Variants in CTIF observed in about 807,000 individuals in gnomAD.
CTIF encodes the protein cap binding complex dependent translation initiation factor, also known as CBP80/20-dependent translation initiation factor.
CTIF carries 21 observed loss-of-function variants against 66.0 expected under a neutral mutation model. The ratio of observed to expected loss-of-function variants is 0.32; its 90% CI spans 0.23 to 0.46. The LOEUF (loss-of-function observed/expected upper bound fraction) is 0.46. Ranked by LOEUF, CTIF falls within the 20% of genes least tolerant of loss-of-function variation. CTIF has a pLI of 1.00. For synonymous variants in CTIF, 345 were observed against 326.4 expected, an observed-to-expected ratio of 1.06 and a Z score of -0.62; for missense variants, 739 against 812.7, an observed-to-expected ratio of 0.91 and a Z score of 1.10.
chr18:48,582,703 T>TAAC (rs1224275332), intron 1 of CTIF, among the ~76,000 whole-genome samples: 1 of 151,924 alleles, frequency 6.6e-6, no homozygotes, highest in Non-Finnish European at 1.5e-5. Flanking sequence ...GTGGTGGTAA[T>TAAC]AACGGGGTTA....
At position 48,823,683 on chromosome 18, in the gene CTIF, T is replaced by C. The variant is rs186570992; in HGVS notation, c.1527+6307T>C. ...TTTCCAAGTGAATCTTAGAATTGTT[T>C]TCTATACTTCTGTTTTTAAAATGCC... On this transcript the variant is annotated intron_variant, in intron 10 of 11. Coordinates refer to ENST00000256413, the MANE Select transcript of CTIF (RefSeq NM_014772.3). 9.8e-5 allele frequency among the ~76,000 whole-genome samples: 15 copies of C among 152,330 alleles called. No homozygotes were observed. The East Asian group carries it at 2.9e-3, about 29-fold the overall frequency.
At chr18:48,681,138 A>G (rs2091734229) in intron 6 of CTIF, among the ~76,000 whole-genome samples, 1 of 152,170 alleles carries the variant, frequency 6.6e-6, no homozygotes, top group Non-Finnish European at 1.5e-5. Context: ...CCCAAGAACA[A>G]TACCAGGGTC....
chr18:48,635,311 CTTTTTCTT>C (rs370499169), intron 2 of CTIF, among the ~76,000 whole-genome samples: 3,092 of 138,984 alleles, frequency 0.022, 113 homozygotes, highest in African/African-American at 0.08. Flanking sequence ...TTTTCTTTTT[CTTTTTCTT>C]TTTCTTTCTT....
rs189801126 is a variant in CTIF at position 48,559,707 on chromosome 18, A to T, written c.-29+20395A>T. ...GGTTCTTCTCCATGCAGGTTTCTCC[A>T]CAAGGCTGCTTGGGCTTCCTCAAAG... On this transcript the variant is annotated intron_variant, in intron 1 of 11. Coordinates refer to ENST00000256413, the MANE Select transcript of CTIF (RefSeq NM_014772.3). Among the ~76,000 whole-genome samples, 13 of 152,280 alleles carry T rather than the reference A, an allele frequency of 8.5e-5. No individual in the cohort carries two copies. The East Asian group carries it at 2.5e-3, about 29-fold the overall frequency.
intron 1 of CTIF, among the ~76,000 whole-genome samples, chr18:48,562,377 C>T (rs1282630649): frequency 6.6e-6 from 1 of 152,222 alleles, no homozygotes; most frequent in African/African-American, 2.4e-5. Flanking sequence ...TTCAGGAGTC[C>T]TGCTCTAGAG....
At chr18:48,650,082 T>C (rs183251120) in intron 3 of CTIF, among the ~76,000 whole-genome samples, 31 of 152,348 alleles carry the variant, frequency 2.0e-4, no homozygotes, top group African/African-American at 7.0e-4. Context: ...CTCCAAAGGA[T>C]TGCAGCTCCT....
rs76708101 is a variant in CTIF, at chr18:48,594,003, G to A, written c.-28-25535G>A. On this transcript the variant is annotated intron_variant, in intron 1 of 11. Transcript: ENST00000256413. ...TGTTTCCTATCAACCAGATGACATGGACCAAAGAGGTGAATTTTTACCTCT... is the reference window on the plus strand; with the variant it reads ...TGTTTCCTATCAACCAGATGACATGAACCAAAGAGGTGAATTTTTACCTCT... Among the ~76,000 whole-genome samples, 825 of 152,210 alleles carry A rather than the reference G, an allele frequency of 5.4e-3. 6 individuals are homozygous for A. Among genetic ancestry groups the A allele is most frequent in the Middle Eastern group, 0.037 (11 of 294 alleles).
intron 1 of CTIF, among the ~76,000 whole-genome samples, chr18:48,580,005 C>T (rs2089618394): frequency 6.6e-6 from 1 of 152,220 alleles, no homozygotes; most frequent in Non-Finnish European, 1.5e-5. Context: ...TCAAGTGGTA[C>T]TCCATCCATC....
intron 7 of CTIF, among the ~76,000 whole-genome samples, chr18:48,745,355 G>A (rs1255971366): frequency 1.3e-5 from 2 of 152,202 alleles, no homozygotes; most frequent in South Asian, 2.1e-4. Flanking sequence ...CCTGGCAAAG[G>A]TGGTGACTGC....
chr18:48,752,451 T>C (rs1468351859), intron 7 of CTIF, among the ~76,000 whole-genome samples: 4 of 152,194 alleles, frequency 2.6e-5, no homozygotes, highest in African/African-American at 9.7e-5. Context: ...CAATAAGTAA[T>C]TGTTAAATCC....
rs1258163027 is a variant in CTIF, at chr18:48,574,687, G to C, written c.-29+35375G>C. On this transcript the variant is annotated intron_variant, in intron 1 of 11. Coordinates refer to ENST00000256413, the MANE Select transcript of CTIF (RefSeq NM_014772.3). ...CAGAAAAGCAAAAGCTGCTAGACCC[G>C]GAGTCACTTGCGCTACGTTTCTGAG... Among the ~76,000 whole-genome samples, 4 of 152,294 alleles carry C rather than the reference G, an allele frequency of 2.6e-5. No individual in the cohort carries two copies. In the South Asian group the frequency reaches 8.3e-4, roughly 32 times the overall value.
At chr18:48,545,926 A>C (rs2088736963) in intron 1 of CTIF, among the ~76,000 whole-genome samples, 1 of 152,110 alleles carries the variant, frequency 6.6e-6, no homozygotes, top group African/African-American at 2.4e-5. Context: ...GTCATGCTGG[A>C]GGCCCAGCTG....
chr18:48,650,176 T>G (rs1286614099), intron 3 of CTIF, among the ~76,000 whole-genome samples: 1 of 152,204 alleles, frequency 6.6e-6, no homozygotes, highest in African/African-American at 2.4e-5. Context: ...AATAACAAAC[T>G]TCTCCTAGCT....
chr18:48,638,257 G>T (rs1223901248), intron 3 of CTIF, among the ~76,000 whole-genome samples: 1 of 152,182 alleles, frequency 6.6e-6, no homozygotes, highest in Non-Finnish European at 1.5e-5. Context: ...ACCAGAGAGA[G>T]GCTTTCAGGA....
At chr18:48,589,631 G>A (rs1394650947) in intron 1 of CTIF, among the ~76,000 whole-genome samples, 2 of 152,226 alleles carry the variant, frequency 1.3e-5, no homozygotes, top group Non-Finnish European at 2.9e-5. Flanking sequence ...GAGAGGGACC[G>A]TGAGGTGTGG....
intron 1 of CTIF, among the ~76,000 whole-genome samples, chr18:48,575,861 T>C (rs2143726996): frequency 6.6e-6 from 1 of 152,372 alleles, no homozygotes; most frequent in African/African-American, 2.4e-5. Flanking sequence ...AGGTAAACTG[T>C]TGGAGTAAGG....
At chr18:48,643,472 A>T (rs79347014) in intron 3 of CTIF, among the ~76,000 whole-genome samples, 4,526 of 152,238 alleles carry the variant, frequency 0.03, 105 homozygotes, top group African/African-American at 0.067. Flanking sequence ...CTTCCTTCTG[A>T]GTTGGGGCAG....
intron 10 of CTIF, among the ~76,000 whole-genome samples, chr18:48,840,880 C>T (rs1255482568): frequency 7.0e-6 from 1 of 142,136 alleles, no homozygotes; most frequent in East Asian, 2.4e-4. Flanking sequence ...CACCCCCACC[C>T]CCACCCCAGA....
chr18:48,603,638 G>A (rs1425368232), intron 1 of CTIF, among the ~76,000 whole-genome samples: 2 of 151,292 alleles, frequency 1.3e-5, no homozygotes, highest in African/African-American at 4.9e-5. Flanking sequence ...AGGATGGATG[G>A]ATGGATGGAT....
Sources: allele counts gnomAD v4.1 joint callset (sites outside exome capture counted in the v4.1 genomes callset), GRCh38; gene constraint gnomAD v4.1.1; transcripts MANE v1.5; gene names NCBI Gene and HGNC (gene_info 2026-07-23, HGNC 2026-07-21).